CSMD2: variants seen among roughly 807,000 people sequenced by gnomAD.
CSMD2 encodes CUB and sushi domain-containing protein 2.
CSMD2 carries 130 observed loss-of-function variants against 398.5 expected under a neutral mutation model. That is an observed-to-expected ratio of 0.33 (90% CI 0.28 to 0.38). The LOEUF is 0.38. CSMD2 is among the 10% of genes least tolerant of loss of function. The pLI is 1.00. For synonymous variants in CSMD2, 1,828 were observed against 1,908.5 expected (o/e 0.96, Z 1.10); for missense variants, 3,829 against 4,764.9 (o/e 0.80, Z 5.78).
chr1:33,623,273 A>G (rs1641889718), intron 36 of CSMD2, 97 bp downstream of exon 36: 1 of 858,888 alleles, frequency 1.2e-6, no homozygotes, highest in African/African-American at 1.7e-5. Flanking sequence ...CATGGAATAT[A>G]AGTGATATCT....
rs1643988507 is a variant in CSMD2, at chr1:33,922,746, G to A, written c.713-4445C>T. Among the ~76,000 whole-genome samples, 3 of 152,062 alleles carry A rather than the reference G, an allele frequency of 2.0e-5. No homozygotes were observed. In the South Asian group the frequency reaches 6.2e-4, roughly 32 times the overall value. On this transcript the variant is annotated intron_variant, in intron 4 of 70. Transcript: ENST00000373381. ...TCCCACACCCCCACATCCAGCCAGG[G>A]ACTCAGCTGGCAGTCCATCTAGGTG...
intron 45 of CSMD2, 109 bp downstream of exon 45, chr1:33,586,979 A>C: frequency 1.3e-6 from 1 of 783,732 alleles, no homozygotes; most frequent in Non-Finnish European, 2.1e-6. Flanking sequence ...TTCTCTCTCC[A>C]CAGACAGGAG....
At chr1:33,524,482 A>C (rs12068800) in intron 66 of CSMD2, among the ~76,000 whole-genome samples, 7 of 152,164 alleles carry the variant, frequency 4.6e-5, no homozygotes, top group African/African-American at 1.7e-4. Flanking sequence ...TTGTTTAAAA[A>C]CACTCTGAGT....
At chr1:33,688,421 C>T (rs913100024) in intron 25 of CSMD2, among the ~76,000 whole-genome samples, 1 of 152,122 alleles carries the variant, frequency 6.6e-6, no homozygotes, top group Non-Finnish European at 1.5e-5. Context: ...AGCAGACAGA[C>T]ATTAATAGTT....
Position 33,743,494 on chromosome 1 carries a change from C to G in CSMD2, c.1959G>C (p.Glu653Asp). The change falls in exon 14 of 71, where the codon GAG (glutamate) becomes GAC (aspartate). Residue 653 changes from glutamate to aspartate, a missense_variant. Glu to Asp is a conservative substitution (Grantham distance 45). Around this residue, in one of 5 missense-constraint regions of CSMD2, gnomAD observed 2,001 missense variants for 2,567.1 expected, o/e 0.78. Transcript: ENST00000373381. The part of the protein sequence containing the change: ...HCVWLILARP[E>D]SRIHLAFNDI... ...CGTTGAAGGCCAGGTGGATGCGGCT[C>G]TCAGGCCTGGCCAGGATGAGCCAGA... 2.5e-6 allele frequency: 4 copies of G among 1,614,100 alleles called. No individual in the cohort carries two copies. Among genetic ancestry groups the G allele is most frequent in the Non-Finnish European group, 3.4e-6 (4 of 1,180,046 alleles).
chr1:34,151,245 T>C (rs962487834), intron 1 of CSMD2, among the ~76,000 whole-genome samples: 1 of 152,140 alleles, frequency 6.6e-6, no homozygotes, highest in African/African-American at 2.4e-5. Context: ...TAAAAGGTAT[T>C]TGTGTCCATG....
intron 5 of CSMD2, among the ~76,000 whole-genome samples, chr1:33,880,340 C>G (rs771364998): frequency 6.6e-6 from 1 of 152,082 alleles, no homozygotes; most frequent in African/African-American, 2.4e-5. Flanking sequence ...GTGTTCTTAT[C>G]CCTAGTATGG....
intron 41 of CSMD2, among the ~76,000 whole-genome samples, chr1:33,608,251 G>A (rs555331203): frequency 1.3e-5 from 2 of 152,316 alleles, no homozygotes; most frequent in East Asian, 3.9e-4. Flanking sequence ...ACCTTTACAA[G>A]GACAAGTGGG....
chr1:33,694,066 A>G (rs1166571433), intron 24 of CSMD2, among the ~76,000 whole-genome samples: 3 of 152,154 alleles, frequency 2.0e-5, no homozygotes, highest in African/African-American at 4.8e-5. Flanking sequence ...TCTCAAAACA[A>G]TAACAACAAC....
At chr1:33,613,162 A>G (rs1641145210) in intron 40 of CSMD2, among the ~76,000 whole-genome samples, 1 of 152,210 alleles carries the variant, frequency 6.6e-6, no homozygotes, top group Non-Finnish European at 1.5e-5. Context: ...CTTGAAAGCA[A>G]GGGATCCCGG....
chr1:33,594,674 A>G (rs1180940926), intron 44 of CSMD2, among the ~76,000 whole-genome samples: 1 of 151,250 alleles, frequency 6.6e-6, no homozygotes, highest in Non-Finnish European at 1.5e-5. Flanking sequence ...TCTCTCTACC[A>G]TTTTCACGCC....
At chr1:33,555,957 G>A (rs180828861) in intron 55 of CSMD2, among the ~76,000 whole-genome samples, 16 of 152,150 alleles carry the variant, frequency 1.1e-4, no homozygotes, top group Admixed American at 7.9e-4. Flanking sequence ...GGAGTTTGGA[G>A]TAAGCTGATT....
chr1:34,098,442 A>C (rs1446266304), intron 1 of CSMD2, among the ~76,000 whole-genome samples: 1 of 150,898 alleles, frequency 6.6e-6, no homozygotes, highest in Non-Finnish European at 1.5e-5. Flanking sequence ...TAAATAAATA[A>C]ATAAAAAGAA....
At chr1:33,720,471 G>T (rs1646323872) in intron 19 of CSMD2, among the ~76,000 whole-genome samples, 1 of 152,154 alleles carries the variant, frequency 6.6e-6, no homozygotes. Flanking sequence ...TGAAGGGCTG[G>T]CCAGGCAAGG....
chr1:33,727,538 G>A (rs906364851), intron 15 of CSMD2, among the ~76,000 whole-genome samples: 2 of 152,264 alleles, frequency 1.3e-5, no homozygotes, highest in East Asian at 1.9e-4. Flanking sequence ...GCAAGGTCAC[G>A]TGACTGCTGT....
At chr1:33,755,783 C>T (rs1648905735) in intron 13 of CSMD2, among the ~76,000 whole-genome samples, 1 of 151,542 alleles carries the variant, frequency 6.6e-6, no homozygotes, top group African/African-American at 2.4e-5. Flanking sequence ...GTAGCTGGGA[C>T]TATAGGTGTG....
At position 33,605,817 on chromosome 1, in the gene CSMD2, G is replaced by T. The variant is rs375603928; in HGVS notation, c.6344-347C>A. ...CTCTATTCACTGAGTGCCACTGGGG[G>T]CCAGGCACCAGCCTAACTCCTTTCA... On this transcript the variant is annotated intron_variant, in intron 41 of 70. Coordinates refer to ENST00000373381, the MANE Select transcript of CSMD2 (RefSeq NM_001281956.2). 66 of 1,500,518 alleles carry T rather than the reference G, an allele frequency of 4.4e-5. 1 individual carries two copies. The African/African-American group carries it at 5.9e-4, about 13-fold the overall frequency. 93.0% of individuals were successfully genotyped at this position (1,500,518 alleles called of 1,614,324 possible). A position where few individuals can be genotyped will look rare whatever the true frequency, so the allele number is the denominator to read the frequency against.
At chr1:33,546,296 T>C (rs1379064854) in intron 56 of CSMD2, 77 bp from the exon 57 acceptor site, 9 of 1,453,102 alleles carry the variant, frequency 6.2e-6, no homozygotes, top group Middle Eastern at 1.9e-4. Context: ...AGAAAGATAC[T>C]GGGATGGGAC....
intron 2 of CSMD2, among the ~76,000 whole-genome samples, chr1:34,069,932 T>C (rs1260086891): frequency 6.6e-6 from 1 of 152,210 alleles, no homozygotes; most frequent in Non-Finnish European, 1.5e-5. Flanking sequence ...TATCCACGGG[T>C]TGACTCAGTC....
Sources: gnomAD v4.1 joint callset for allele counts (sites outside exome capture counted in the v4.1 genomes callset) on GRCh38, gnomAD v4.1.1 for gene constraint, gnomAD v4.1.1 regional missense constraint, MANE v1.5 for transcripts, NCBI Gene and HGNC (gene_info 2026-07-23, HGNC 2026-07-21) for gene names.